ABCA5: variants seen among roughly 807,000 people sequenced by gnomAD.
The protein encoded by ABCA5 is ATP binding cassette subfamily A member 5, also known as cholesterol transporter ABCA5.
A neutral mutation model predicts 206.0 loss-of-function variants in ABCA5; 163 were observed. That is an observed-to-expected ratio of 0.79 (90% CI 0.70 to 0.90). The LOEUF is 0.90. Ranked by LOEUF, ABCA5 falls within the 40% of genes least tolerant of loss-of-function variation. The pLI, the probability that ABCA5 is intolerant of heterozygous loss-of-function variation, is 0.00. For synonymous variants in ABCA5, 609 were observed against 613.8 expected (o/e 0.99, Z 0.11); for missense variants, 1,859 against 1,912.9 (o/e 0.97, Z 0.53).
At chr17:69,301,404 T>C (rs1217507109) in intron 8 of ABCA5, 118 bp from the exon 9 acceptor site, 6 of 642,266 alleles carry the variant, frequency 9.3e-6, no homozygotes, top group African/African-American at 3.8e-5. Context: ...GGCCTTTTAA[T>C]AGATTAAACA....
At chr17:69,303,851 T>TAA (rs1280593471) in intron 7 of ABCA5, among the ~76,000 whole-genome samples, 1 of 37,524 alleles carries the variant, frequency 2.7e-5, no homozygotes, top group African/African-American at 8.4e-5. Context: ...CATACATATA[T>TAA]ATATGTATAT....
chr17:69,289,333 A>C, intron 13 of ABCA5, 37 bp from the exon 14 acceptor site: 1 of 1,446,156 alleles, frequency 6.9e-7, no homozygotes, highest in African/African-American at 1.5e-5. Flanking sequence ...TATTTTAAAA[A>C]TCATACCATT....
intron 11 of ABCA5, among the ~76,000 whole-genome samples, chr17:69,291,761 G>A (rs985641825): frequency 2.6e-5 from 4 of 152,136 alleles, no homozygotes; most frequent in African/African-American, 9.7e-5. Flanking sequence ...GATATGTAAA[G>A]GAATGAAGGA....
chr17:69,271,639 AGCTGCTGCTGCTGCTGCTGCCACCACT>A, intron 20 of ABCA5, among the ~76,000 whole-genome samples: 1 of 151,542 alleles, frequency 6.6e-6, no homozygotes, highest in East Asian at 1.9e-4. Flanking sequence ...CGCATATTTT[AGCTGCTGCTGCTGCTGCTGCCACCACT>A]GCTGCTGCTG....
At chr17:69,258,059 A>G (rs2075103233) in intron 28 of ABCA5, among the ~76,000 whole-genome samples, 1 of 152,170 alleles carries the variant, frequency 6.6e-6, no homozygotes, top group Non-Finnish European at 1.5e-5. Context: ...AAAGCTTTGA[A>G]TAACTATTGA....
intron 18 of ABCA5, among the ~76,000 whole-genome samples, chr17:69,281,834 T>C (rs1415652061): frequency 1.3e-5 from 2 of 152,330 alleles, no homozygotes; most frequent in African/African-American, 4.8e-5. Flanking sequence ...TGATGATATA[T>C]TCAGCTTGAT....
At chr17:69,324,988 TC>T (rs1228762239) in intron 1 of ABCA5, among the ~76,000 whole-genome samples, 1 of 152,152 alleles carries the variant, frequency 6.6e-6, no homozygotes, top group Non-Finnish European at 1.5e-5. Flanking sequence ...GCTCTCATCT[TC>T]TTTATTGCTT....
chr17:69,252,303 G>A (rs1200272909), intron 34 of ABCA5, among the ~76,000 whole-genome samples: 2 of 151,968 alleles, frequency 1.3e-5, no homozygotes, highest in Non-Finnish European at 2.9e-5. Flanking sequence ...GTGAGCCACT[G>A]CGCCAGGCCA....
intron 24 of ABCA5, among the ~76,000 whole-genome samples, chr17:69,263,697 CTTTT>C (rs58369537): frequency 8.7e-5 from 9 of 103,692 alleles, no homozygotes; most frequent in Non-Finnish European, 1.4e-4. Context: ...ACATGGATTC[CTTTT>C]TTTTTTTTTT....
intron 35 of ABCA5, 29 bp downstream of exon 35, chr17:69,251,718 C>G: frequency 6.3e-7 from 1 of 1,597,362 alleles, no homozygotes; most frequent in Non-Finnish European, 8.5e-7. Flanking sequence ...AACCTCTTCC[C>G]CTGAATGGCA....
Position 69,270,855 on chromosome 17 carries a change from A to G in ABCA5, c.2893-105T>C, listed in dbSNP as rs932271251. 1.6e-5 allele frequency: 17 copies of G among 1,066,930 alleles called. No homozygotes were observed. In the Admixed American group the frequency reaches 5.1e-4, roughly 32 times the overall value. 66.1% of individuals were successfully genotyped at this position (1,066,930 alleles called of 1,614,324 possible). A position where few individuals can be genotyped will look rare whatever the true frequency, so the allele number is the denominator to read the frequency against. On this transcript the variant is annotated intron_variant, in intron 21 of 38. Coordinates refer to ENST00000392676, the MANE Select transcript of ABCA5 (RefSeq NM_172232.4). ...AACAAAGCTAATTCTCATACAGAAA[A>G]ACTGCTTCAACAACTCACAGAAATA...
At chr17:69,276,172 C>T (rs375861493) in intron 19 of ABCA5, among the ~76,000 whole-genome samples, 17 of 152,142 alleles carry the variant, frequency 1.1e-4, no homozygotes, top group East Asian at 5.8e-4. Flanking sequence ...CTGCAACCTC[C>T]GCTTCCCGAG....
At chr17:69,258,818 A>G (rs969797479) in intron 28 of ABCA5, among the ~76,000 whole-genome samples, 8 of 152,150 alleles carry the variant, frequency 5.3e-5, no homozygotes, top group Non-Finnish European at 1.2e-4. Context: ...TTTAGTGGAC[A>G]GTTCGAAAAG....
At chr17:69,288,486 G>A (rs1012425063) in intron 14 of ABCA5, among the ~76,000 whole-genome samples, 1 of 152,038 alleles carries the variant, frequency 6.6e-6, no homozygotes, top group South Asian at 2.1e-4. Context: ...AAACTATAGA[G>A]AACAAGAGAG....
intron 22 of ABCA5, 112 bp from the exon 23 acceptor site, chr17:69,268,168 A>T (rs1401931820): frequency 1.8e-6 from 1 of 562,600 alleles, no homozygotes; most frequent in Middle Eastern, 4.8e-4. Flanking sequence ...GAAAGAATGT[A>T]TTAGAATATC....
chr17:69,308,224 G>T, intron 5 of ABCA5, 56 bp downstream of exon 5: 1 of 1,168,468 alleles, frequency 8.6e-7, no homozygotes, highest in South Asian at 1.4e-5. Flanking sequence ...AAAGAATAAG[G>T]AAATATTTAT....
rs748512700 is a variant in ABCA5 at position 69,255,831 on chromosome 17, C to T, written c.3878G>A (p.Ser1293Asn). 7 of 1,572,408 alleles carry T rather than the reference C, an allele frequency of 4.5e-6. No homozygotes were observed. The highest frequency in any genetic ancestry group is 1.7e-4 in the Middle Eastern group (1 of 5,912). The change falls in exon 30 of 39, where the codon AGC becomes AAC. Residue 1293 changes from serine to asparagine, a missense_variant. Physicochemically the swap from Ser to Asn is conservative, Grantham distance 46 (BLOSUM62 1). Transcript: ENST00000392676. ...CCEEKPSIMV[S>N]NLHKEYDDKK... ...GTCATCATATTCTTTATGCAAATTG[C>T]TGACCATAATGGATGGTTTCTAATA...
intron 11 of ABCA5, among the ~76,000 whole-genome samples, chr17:69,293,239 T>C (rs555991620): frequency 9.2e-5 from 14 of 152,036 alleles, no homozygotes; most frequent in South Asian, 4.2e-4. Flanking sequence ...TTTTAAGAAA[T>C]TGCTTCAGAA....
chr17:69,314,309 C>T lies in ABCA5; in HGVS notation c.102+5G>A. ...AAAAGCATAAGAAAGAGTTATTTAA[C>T]TTACCTGAACACTACTCTTTTTGGT... On this transcript the variant is annotated splice_donor_5th_base_variant and intron_variant, in intron 2 of 38. Transcript: ENST00000392676. The T allele has an allele frequency of 6.3e-7, 1 of 1,591,228 alleles. No homozygotes were observed. Among genetic ancestry groups the T allele is most frequent in the Non-Finnish European group, 8.6e-7 (1 of 1,162,968 alleles).
Sources: allele counts gnomAD v4.1 joint callset (sites outside exome capture counted in the v4.1 genomes callset), GRCh38; gene constraint gnomAD v4.1.1; transcripts MANE v1.5; gene names NCBI Gene and HGNC (gene_info 2026-07-23, HGNC 2026-07-21).